The following LRP1B variants were observed in gnomAD, a reference collection of about 807,000 sequenced individuals.
The protein encoded by LRP1B is low-density lipoprotein receptor-related protein 1B.
LRP1B carries 217 observed loss-of-function variants against 556.6 expected under a neutral mutation model. The ratio of observed to expected loss-of-function variants is 0.39; its 90% CI spans 0.35 to 0.44. The LOEUF is 0.44. Among genes scored for constraint, LRP1B ranks in the 20% least tolerant of loss-of-function variants. The pLI, the probability that LRP1B is intolerant of heterozygous loss-of-function variation, is 1.00. For missense variants in LRP1B, 5,053 were observed against 5,620.8 expected, an observed-to-expected ratio of 0.90 and a Z score of 3.23; for synonymous variants, 2,047 against 1,865.8, an observed-to-expected ratio of 1.10 and a Z score of -2.50.
At chr2:140,782,064 GT>G (rs1689718597) in intron 32 of LRP1B, among the ~76,000 whole-genome samples, 2 of 152,020 alleles carry the variant, frequency 1.3e-5, no homozygotes, top group Non-Finnish European at 2.9e-5. Flanking sequence ...TTTTGTTGTT[GT>G]TGTTTCACAC....
At chr2:141,824,448 C>T (rs920632405) in intron 1 of LRP1B, among the ~76,000 whole-genome samples, 4 of 152,192 alleles carry the variant, frequency 2.6e-5, no homozygotes, top group African/African-American at 9.6e-5. Context: ...CAAGCTCCGC[C>T]TCCCAGGTTC....
intron 1 of LRP1B, among the ~76,000 whole-genome samples, chr2:141,935,163 C>G (rs759593293): frequency 1.3e-5 from 2 of 151,948 alleles, no homozygotes; most frequent in Non-Finnish European, 2.9e-5. Context: ...AGCTATTGGT[C>G]TAAAAGATTT....
intron 2 of LRP1B, among the ~76,000 whole-genome samples, chr2:141,552,247 G>T (rs574427620): frequency 6.6e-6 from 1 of 151,974 alleles, no homozygotes; most frequent in African/African-American, 2.4e-5. Context: ...AGCTATATTG[G>T]TGTCATGAGA....
At chr2:140,410,550 CA>C (rs559147422) in intron 66 of LRP1B, among the ~76,000 whole-genome samples, 5 of 151,710 alleles carry the variant, frequency 3.3e-5, no homozygotes, top group African/African-American at 9.7e-5. Flanking sequence ...GAAAGAAGTC[CA>C]AAAAAACACT....
At chr2:141,116,721 C>G (rs901858820) in intron 7 of LRP1B, among the ~76,000 whole-genome samples, 2 of 98,178 alleles carry the variant, frequency 2.0e-5, no homozygotes, top group African/African-American at 3.4e-5. Flanking sequence ...AGGAACAGAT[C>G]TGAATGATTT....
At chr2:140,636,119 G>A (rs894522832) in intron 41 of LRP1B, among the ~76,000 whole-genome samples, 3 of 152,094 alleles carry the variant, frequency 2.0e-5, no homozygotes, top group African/African-American at 7.2e-5. Flanking sequence ...GATTATTGGA[G>A]ACAATATATT....
chr2:141,149,378 A>G (rs554090281), intron 7 of LRP1B, among the ~76,000 whole-genome samples: 1 of 152,268 alleles, frequency 6.6e-6, no homozygotes, highest in South Asian at 2.1e-4. Flanking sequence ...TTACGTGAAT[A>G]GTTGTAATTA....
intron 50 of LRP1B, among the ~76,000 whole-genome samples, chr2:140,516,686 G>A (rs979939012): frequency 6.6e-6 from 1 of 152,066 alleles, no homozygotes; most frequent in Admixed American, 6.6e-5. Flanking sequence ...TAAAAGAAAA[G>A]TCTAGGACCA....
intron 35 of LRP1B, among the ~76,000 whole-genome samples, chr2:140,729,273 T>A (rs1028454640): frequency 2.0e-5 from 3 of 152,142 alleles, no homozygotes; most frequent in African/African-American, 7.2e-5. Flanking sequence ...TTGATTTGGA[T>A]GCACAGAGGC....
chr2:141,792,807 G>T (rs1249698469), intron 2 of LRP1B, among the ~76,000 whole-genome samples: 1 of 151,840 alleles, frequency 6.6e-6, no homozygotes, highest in Non-Finnish European at 1.5e-5. Context: ...TTTAGATCTG[G>T]TTATGTCATA....
intron 7 of LRP1B, among the ~76,000 whole-genome samples, chr2:141,186,020 A>T (rs908932379): frequency 7.2e-6 from 1 of 138,060 alleles, no homozygotes; most frequent in Non-Finnish European, 1.5e-5. Context: ...CAGAGGTTGC[A>T]GTGAGAGGAG....
chr2:141,608,746 T>C (rs572139605), intron 2 of LRP1B, among the ~76,000 whole-genome samples: 1 of 152,294 alleles, frequency 6.6e-6, no homozygotes, highest in South Asian at 2.1e-4. Context: ...CAAATAGTAA[T>C]CCTATATATA....
chr2:142,039,578 G>A (rs1703996745), intron 1 of LRP1B, among the ~76,000 whole-genome samples: 3 of 151,476 alleles, frequency 2.0e-5, no homozygotes, highest in Non-Finnish European at 3.0e-5. Flanking sequence ...AAACTAAACA[G>A]AATTCCTGGG....
chr2:141,753,619 T>C (rs193125515), intron 2 of LRP1B, among the ~76,000 whole-genome samples: 79 of 152,042 alleles, frequency 5.2e-4, no homozygotes, highest in African/African-American at 1.9e-3. Context: ...TCTAGCCATT[T>C]CCCACACAGT....
intron 1 of LRP1B, among the ~76,000 whole-genome samples, chr2:141,987,707 A>C (rs937532417): frequency 6.6e-6 from 1 of 151,822 alleles, no homozygotes; most frequent in African/African-American, 2.4e-5. Flanking sequence ...ATTTTTCTAC[A>C]ATTTTATAAA....
At chr2:140,787,469 TTGTGG>T (rs1393813900) in intron 32 of LRP1B, among the ~76,000 whole-genome samples, 1 of 151,988 alleles carries the variant, frequency 6.6e-6, no homozygotes, top group East Asian at 1.9e-4. Flanking sequence ...CCTTATGGGT[TTGTGG>T]TCTGTGTAGA....
In LRP1B at chr2:141,294,145, G is replaced by C. The variant is rs574466073; in HGVS notation, c.344-39504C>G. On this transcript the variant is annotated intron_variant, in intron 3 of 90. Transcript: ENST00000389484. ...AGACACTAGAAATTATGAGAGTAGA[G>C]GTGACAAAAATATCTTTTTATTTTT... 1.9e-3 allele frequency among the ~76,000 whole-genome samples: 290 copies of C among 152,154 alleles called. 2 individuals are homozygous for C. The highest frequency in any genetic ancestry group is 2.9e-3 in the Non-Finnish European group (198 of 67,988).
chr2:142,043,651 T>C (rs1279335513), intron 1 of LRP1B, among the ~76,000 whole-genome samples: 1 of 151,736 alleles, frequency 6.6e-6, no homozygotes, highest in Admixed American at 6.6e-5. Flanking sequence ...TTATTTTTCC[T>C]GTGCTGTGAA....
chr2:141,424,917 TTTATTA>T (rs988100005), intron 3 of LRP1B, among the ~76,000 whole-genome samples: 1 of 151,924 alleles, frequency 6.6e-6, no homozygotes, highest in Non-Finnish European at 1.5e-5. Context: ...CTGATTTTTC[TTTATTA>T]TTATTATTAT....
Sources: gnomAD v4.1 joint callset for allele counts (sites outside exome capture counted in the v4.1 genomes callset) on GRCh38, gnomAD v4.1.1 for gene constraint, MANE v1.5 for transcripts, NCBI Gene and HGNC (gene_info 2026-07-23, HGNC 2026-07-21) for gene names.